GXYLT1: variants seen among roughly 807,000 people sequenced by gnomAD.
GXYLT1 encodes the protein glucoside xylosyltransferase 1, also known as glycosyltransferase 8 domain containing 3.
In GXYLT1, 29 loss-of-function variants were observed where a neutral mutation model predicts 54.0. The observed-to-expected ratio is 0.54, with a 90% CI of 0.40 to 0.73. The LOEUF (loss-of-function observed/expected upper bound fraction) is 0.73, where lower values mean the gene tolerates loss of function less well. Among genes scored for constraint, GXYLT1 ranks in the 30% least tolerant of loss-of-function variants. GXYLT1 has a pLI of 0.00. For synonymous variants in GXYLT1, 176 were observed against 204.1 expected, an observed-to-expected ratio of 0.86 and a Z score of 1.17; for missense variants, 490 against 553.4, an observed-to-expected ratio of 0.89 and a Z score of 1.15.
Position 42,144,631 on chromosome 12 carries a change from G to T in GXYLT1, c.16C>A (p.Arg6Ser). The T allele has an allele frequency of 6.8e-7, 1 of 1,464,804 alleles. No individual in the cohort carries two copies. The allele number at this position is 1,464,804 out of a possible 1,614,324, so 90.7% of individuals were successfully genotyped here. A position where few individuals can be genotyped will look rare whatever the true frequency, so the allele number is the denominator to read the frequency against. ...CAGGCCACACACAGCACCACGACGC[G>T]CAGGTAGCGCCGCATCGCCCCGGCC... MRRYL[R>S]VVVLCVACGF... The change falls in exon 1 of 8, where the codon CGC (arginine) becomes AGC (serine). Residue 6 changes from arginine (R) to serine (S), a missense_variant. By Grantham distance (110) the Arg-to-Ser change is moderately radical. Transcript: ENST00000398675.
intron 1 of GXYLT1, among the ~76,000 whole-genome samples, chr12:42,143,580 A>AG (rs1172314739): frequency 2.6e-5 from 4 of 152,254 alleles, no homozygotes; most frequent in Admixed American, 1.3e-4. Flanking sequence ...GGAGCACTTC[A>AG]GGTCATTCCC....
At chr12:42,125,510 A>C (rs141879153) in intron 2 of GXYLT1, among the ~76,000 whole-genome samples, 2 of 152,336 alleles carry the variant, frequency 1.3e-5, no homozygotes, top group African/African-American at 4.8e-5. Flanking sequence ...GCGTTAGAGG[A>C]GTCCAGGAGG....
chr12:42,139,451 GC>G (rs1158611810), intron 1 of GXYLT1, among the ~76,000 whole-genome samples: 2 of 152,078 alleles, frequency 1.3e-5, no homozygotes, highest in Non-Finnish European at 2.9e-5. Flanking sequence ...TGAGAGCAGA[GC>G]CCCCATGAAT....
chr12:42,142,821 T>TGGTG (rs1284842139), intron 1 of GXYLT1, among the ~76,000 whole-genome samples: 1 of 152,186 alleles, frequency 6.6e-6, no homozygotes, highest in Admixed American at 6.5e-5. Context: ...CGCGCAAATG[T>TGGTG]GGTGACATGC....
intron 1 of GXYLT1, among the ~76,000 whole-genome samples, chr12:42,137,503 CAA>C (rs34628599): frequency 0.017 from 1,218 of 71,602 alleles, 23 homozygotes; most frequent in African/African-American, 0.067. Context: ...GCATCTGTTT[CAA>C]AAAAAAAAAA....
chr12:42,125,869 A>C (rs962245321), intron 2 of GXYLT1, among the ~76,000 whole-genome samples: 6 of 151,988 alleles, frequency 3.9e-5, no homozygotes, highest in Non-Finnish European at 7.4e-5. Context: ...CTAATATTAA[A>C]AAAAAAAATT....
chr12:42,100,986 G>A (rs992350873), intron 5 of GXYLT1, among the ~76,000 whole-genome samples: 3 of 151,324 alleles, frequency 2.0e-5, no homozygotes. Context: ...CCTATTCAAA[G>A]AGCATCAATG....
Position 42,083,690 on chromosome 12 carries a change from A to T in GXYLT1, c.*4096T>A, listed in dbSNP as rs2065267416. The T allele has an allele frequency of 6.6e-6, 1 of 152,044 alleles. No homozygotes were observed. The highest frequency in any genetic ancestry group is 1.5e-5 in the Non-Finnish European group (1 of 68,050). The allele number at this position is 152,044 out of a possible 1,614,324, so 9.4% of individuals were successfully genotyped here. ...ATCTACTCAGAATGGTTCAACTGAA[A>T]GTATCCCAACTGAGGAATAAATAGG... is the stretch of plus-strand genomic sequence containing the variant. On this transcript the variant is annotated 3_prime_UTR_variant, in exon 8 of 8. Transcript: ENST00000398675.
chr12:42,141,814 A>G (rs1022355864), intron 1 of GXYLT1, among the ~76,000 whole-genome samples: 1 of 152,210 alleles, frequency 6.6e-6, no homozygotes, highest in African/African-American at 2.4e-5. Flanking sequence ...ATCTGACTAC[A>G]AGACCCATGT....
chr12:42,104,389 G>A (rs2065407791), intron 5 of GXYLT1, among the ~76,000 whole-genome samples: 1 of 151,702 alleles, frequency 6.6e-6, no homozygotes, highest in Non-Finnish European at 1.5e-5. Flanking sequence ...TACAGTACAT[G>A]AAATTTAAAA....
chr12:42,119,883 C>T (rs2065520289), intron 2 of GXYLT1, among the ~76,000 whole-genome samples: 2 of 152,162 alleles, frequency 1.3e-5, no homozygotes, highest in Admixed American at 1.3e-4. Context: ...GAATCAATCA[C>T]GTATTTCCAC....
intron 4 of GXYLT1, among the ~76,000 whole-genome samples, chr12:42,108,650 G>C (rs1482196768): frequency 6.6e-6 from 1 of 152,018 alleles, no homozygotes; most frequent in Non-Finnish European, 1.5e-5. Flanking sequence ...TTTTAGGGCG[G>C]AGCAACAAAC....
chr12:42,137,332 C>T (rs376757362), intron 1 of GXYLT1, among the ~76,000 whole-genome samples: 45 of 151,560 alleles, frequency 3.0e-4, no homozygotes, highest in African/African-American at 1.1e-3. Flanking sequence ...CACAGTGAAA[C>T]CCTGTCTCTA....
At chr12:42,123,035 CA>C (rs909804201) in intron 2 of GXYLT1, among the ~76,000 whole-genome samples, 3 of 151,962 alleles carry the variant, frequency 2.0e-5, no homozygotes, top group African/African-American at 7.3e-5. Context: ...TTCTGCAAAA[CA>C]AAAACAAAAA....
At chr12:42,129,920 T>G in intron 1 of GXYLT1, 69 bp from the exon 2 acceptor site, 2 of 891,746 alleles carry the variant, frequency 2.2e-6, no homozygotes, top group Non-Finnish European at 3.7e-6. Context: ...AGGAATTTAC[T>G]CAGTAACACG....
chr12:42,107,371 T>A (rs559915483), intron 4 of GXYLT1, among the ~76,000 whole-genome samples: 1 of 152,102 alleles, frequency 6.6e-6, no homozygotes, highest in African/African-American at 2.4e-5. Flanking sequence ...GTAGGGAAGG[T>A]TCACTTGGTC....
chr12:42,136,079 G>C (rs1249794542), intron 1 of GXYLT1, among the ~76,000 whole-genome samples: 4 of 152,158 alleles, frequency 2.6e-5, no homozygotes, highest in African/African-American at 7.2e-5. Context: ...GAAGTAATTT[G>C]TTTATAGTTT....
At chr12:42,096,850 A>C (rs1264418445) in intron 7 of GXYLT1, among the ~76,000 whole-genome samples, 2 of 152,038 alleles carry the variant, frequency 1.3e-5, no homozygotes, top group Admixed American at 6.6e-5. Flanking sequence ...AGGGGCAGAC[A>C]AAAGGGACTA....
intron 2 of GXYLT1, 127 bp downstream of exon 2, chr12:42,129,632 C>A: frequency 1.8e-6 from 1 of 554,766 alleles, no homozygotes; most frequent in Non-Finnish European, 3.1e-6. Context: ...AAATAGAAAA[C>A]CCAATAAGAA....
Sources: gnomAD v4.1 joint callset for allele counts (sites outside exome capture counted in the v4.1 genomes callset) on GRCh38, gnomAD v4.1.1 for gene constraint, MANE v1.5 for transcripts, NCBI Gene and HGNC (gene_info 2026-07-23, HGNC 2026-07-21) for gene names.